Variants in FAM204A observed in about 807,000 individuals in gnomAD.
FAM204A encodes family with sequence similarity 204 member A.
In FAM204A, 16 loss-of-function variants were observed where a neutral mutation model predicts 35.4. The observed-to-expected ratio is 0.45, with a 90% confidence interval of 0.31 to 0.69. The LOEUF (loss-of-function observed/expected upper bound fraction) is 0.69, where lower values mean the gene tolerates loss of function less well. Ranked by LOEUF, FAM204A falls within the 30% of genes least tolerant of loss-of-function variation. The pLI is 0.07. For synonymous variants in FAM204A, 76 were observed against 86.9 expected (o/e 0.88, Z 0.70); for missense variants, 240 against 265.7 (o/e 0.90, Z 0.67).
intron 6 of FAM204A, chr10:118,326,484 T>A: frequency 2.1e-6 from 1 of 465,828 alleles, no homozygotes; most frequent in Non-Finnish European, 3.8e-6. Flanking sequence ...CAGATTTTTG[T>A]GAATCAAAGC....
intron 6 of FAM204A, 34 bp downstream of exon 6, chr10:118,335,080 T>C: frequency 6.9e-7 from 1 of 1,445,426 alleles, no homozygotes; most frequent in Non-Finnish European, 9.7e-7. Context: ...CATATCCTAC[T>C]AGCTGGTATA....
At chr10:118,336,708 T>C (rs1055108995) in intron 2 of FAM204A, among the ~76,000 whole-genome samples, 1 of 152,154 alleles carries the variant, frequency 6.6e-6, no homozygotes, top group Non-Finnish European at 1.5e-5. Flanking sequence ...GATTCTCTAA[T>C]ATATGAGTAG....
At chr10:118,325,250 TGGAAGA>T (rs1589725194) in intron 7 of FAM204A, among the ~76,000 whole-genome samples, 1 of 152,152 alleles carries the variant, frequency 6.6e-6, no homozygotes, top group East Asian at 1.9e-4. Context: ...GATATAATGA[TGGAAGA>T]GTGCAACAGT....
At chr10:118,335,313 T>C (rs1226753266) in intron 5 of FAM204A, 83 bp downstream of exon 5, 24 of 1,549,178 alleles carry the variant, frequency 1.5e-5, no homozygotes, top group Non-Finnish European at 7.9e-6. Flanking sequence ...TACTAGTTCA[T>C]ATGTTTGATT....
chr10:118,341,393 C>G (rs750092830), intron 2 of FAM204A, among the ~76,000 whole-genome samples: 39 of 152,116 alleles, frequency 2.6e-4, no homozygotes, highest in Non-Finnish European at 3.7e-4. Flanking sequence ...ACATCATAAT[C>G]AGAGTCTGTG....
chr10:118,332,552 C>T (rs558988386), intron 6 of FAM204A, among the ~76,000 whole-genome samples: 1 of 119,744 alleles, frequency 8.4e-6, no homozygotes, highest in Non-Finnish European at 1.9e-5. Flanking sequence ...CTCCACATCC[C>T]TATGCCCCTC....
chr10:118,332,749 G>C (rs752135732), intron 6 of FAM204A, among the ~76,000 whole-genome samples: 12 of 151,894 alleles, frequency 7.9e-5, no homozygotes, highest in Non-Finnish European at 1.6e-4. Context: ...ATTCATCAAA[G>C]ACATTGTACA....
chr10:118,339,153 C>A (rs919087236), intron 2 of FAM204A, among the ~76,000 whole-genome samples: 34 of 152,188 alleles, frequency 2.2e-4, no homozygotes, highest in Non-Finnish European at 5.0e-4. Flanking sequence ...CTGTGACTCT[C>A]AAAAAAACAA....
chr10:118,329,659 A>G (rs529286793), intron 6 of FAM204A, among the ~76,000 whole-genome samples: 1 of 152,234 alleles, frequency 6.6e-6, no homozygotes, highest in East Asian at 1.9e-4. Context: ...CTGACACACT[A>G]CAGTGAGTTG....
rs1358612322 is a variant in FAM204A at position 118,307,693 on chromosome 10, T to A, written c.*3164A>T. Reference sequence around the variant, plus strand: ...GGACATTTTATAAATTATATCTTCATTTTTTGTGAATTAAATTCAAACTTG... The same window carrying A: ...GGACATTTTATAAATTATATCTTCAATTTTTGTGAATTAAATTCAAACTTG... On this transcript the variant is annotated 3_prime_UTR_variant, in exon 9 of 9. Coordinates refer to ENST00000369183, the MANE Select transcript of FAM204A (RefSeq NM_022063.3). The A allele has an allele frequency of 6.6e-6, 1 of 152,182 alleles. No individual in the cohort carries two copies. The highest frequency in any genetic ancestry group is 1.5e-5 in the Non-Finnish European group (1 of 68,018). The allele number at this position is 152,182 out of a possible 1,614,324, so 9.4% of individuals were successfully genotyped here.
rs749045388 is a variant in FAM204A at position 118,310,925 on chromosome 10, A to G, written c.651-17T>C. 1.9e-6 allele frequency: 3 copies of G among 1,571,542 alleles called. No individual in the cohort carries two copies. The highest frequency in any genetic ancestry group is 2.4e-5 in the South Asian group (2 of 84,636). ...GCTTCAAACCTAAAAGGAAGAACAT[A>G]CAAATCTCAATTTATTTCTTAAAAA... On this transcript the variant is annotated splice_polypyrimidine_tract_variant and intron_variant, in intron 8 of 8. Coordinates refer to ENST00000369183, the MANE Select transcript of FAM204A (RefSeq NM_022063.3).
chr10:118,328,743 G>A (rs966665645), intron 6 of FAM204A, among the ~76,000 whole-genome samples: 18 of 151,924 alleles, frequency 1.2e-4, no homozygotes, highest in Non-Finnish European at 2.2e-4. Context: ...TGCCTGCCTC[G>A]GCCTCCCAAA....
At chr10:118,311,411 A>T in intron 7 of FAM204A, 98 bp from the exon 8 acceptor site, 1 of 923,896 alleles carries the variant, frequency 1.1e-6, no homozygotes, top group Non-Finnish European at 1.6e-6. Flanking sequence ...TGGGTAAGAA[A>T]GCCATGTCTA....
At chr10:118,319,621 T>C (rs986475870) in intron 7 of FAM204A, among the ~76,000 whole-genome samples, 1 of 151,944 alleles carries the variant, frequency 6.6e-6, no homozygotes, top group Non-Finnish European at 1.5e-5. Context: ...GCTGAAGTCA[T>C]TGCCTTAGTT....
At chr10:118,317,825 G>GC (rs1327667301) in intron 7 of FAM204A, among the ~76,000 whole-genome samples, 1 of 151,936 alleles carries the variant, frequency 6.6e-6, no homozygotes, top group African/African-American at 2.4e-5. Flanking sequence ...CCCTTTAAAA[G>GC]CCCCCCAGAT....
chr10:118,338,775 T>C (rs1846427201), intron 2 of FAM204A, among the ~76,000 whole-genome samples: 1 of 152,182 alleles, frequency 6.6e-6, no homozygotes. Flanking sequence ...TGTTTTAGCA[T>C]CTCTGCAGGG....
At chr10:118,338,870 T>C (rs999260439) in intron 2 of FAM204A, among the ~76,000 whole-genome samples, 3 of 152,182 alleles carry the variant, frequency 2.0e-5, no homozygotes, top group Non-Finnish European at 4.4e-5. Flanking sequence ...CTTTTTGCTG[T>C]TGTTGTTGCT....
In FAM204A at chr10:118,335,310, T is replaced by C. The variant is rs1373667762; in HGVS notation, c.353+86A>G. On this transcript the variant is annotated intron_variant, in intron 5 of 8. Transcript: ENST00000369183. The stretch of plus-strand genomic sequence containing the variant: ...CTACAATTATACTACAATTACTAGT[T>C]CATATGTTTGATTACTATCAGAAAC... 1.9e-6 allele frequency: 3 copies of C among 1,549,314 alleles called. No homozygotes were observed. In the African/African-American group the frequency reaches 4.1e-5, roughly 21 times the overall value.
chr10:118,321,863 G>C (rs77610059), intron 7 of FAM204A, among the ~76,000 whole-genome samples: 3,803 of 152,106 alleles, frequency 0.025, 179 homozygotes, highest in African/African-American at 0.087. Context: ...GTGAATAGTA[G>C]CGAGGTAGAC....
Sources: allele counts gnomAD v4.1 joint callset (sites outside exome capture counted in the v4.1 genomes callset), GRCh38; gene constraint gnomAD v4.1.1; transcripts MANE v1.5; gene names NCBI Gene and HGNC (gene_info 2026-07-23, HGNC 2026-07-21).